Variants in CWC27 observed in about 807,000 individuals in gnomAD.
CWC27 encodes CWC27 spliceosome associated cyclophilin, also known as spliceosome-associated protein CWC27 homolog.
In CWC27, 47 loss-of-function variants were observed where a neutral mutation model predicts 63.6. The observed-to-expected ratio is 0.74, with a 90% CI of 0.58 to 0.94. The LOEUF (loss-of-function observed/expected upper bound fraction) is 0.94. Ranked by LOEUF, CWC27 falls within the 40% of genes least tolerant of loss-of-function variation. The pLI, the probability that CWC27 is intolerant of heterozygous loss-of-function variation, is 0.00. For synonymous variants in CWC27, 175 were observed against 179.8 expected, an observed-to-expected ratio of 0.97 and a Z score of 0.22; for missense variants, 495 against 554.3, an observed-to-expected ratio of 0.89 and a Z score of 1.07.
intron 13 of CWC27, among the ~76,000 whole-genome samples, chr5:64,983,092 A>T (rs1749358066): frequency 6.6e-6 from 1 of 152,170 alleles, no homozygotes; most frequent in African/African-American, 2.4e-5. Context: ...TCTTCCACAA[A>T]ACTGGTTCCT....
intron 10 of CWC27, among the ~76,000 whole-genome samples, chr5:64,839,681 G>T (rs1231677972): frequency 1.3e-5 from 2 of 152,116 alleles, no homozygotes; most frequent in Non-Finnish European, 2.9e-5. Flanking sequence ...GACTATTTCG[G>T]CTTTCTTTTG....
At chr5:64,787,603 A>G (rs1743932992) in intron 6 of CWC27, among the ~76,000 whole-genome samples, 1 of 151,896 alleles carries the variant, frequency 6.6e-6, no homozygotes, top group South Asian at 2.1e-4. Flanking sequence ...TTCATTCAGT[A>G]TTCTGGTTTA....
intron 10 of CWC27, among the ~76,000 whole-genome samples, chr5:64,810,306 T>C (rs954733274): frequency 1.3e-4 from 20 of 152,170 alleles, no homozygotes; most frequent in African/African-American, 4.1e-4. Context: ...AGCTTTATAA[T>C]ACATTTTAAA....
intron 11 of CWC27, among the ~76,000 whole-genome samples, chr5:64,914,631 T>A (rs1011988838): frequency 6.6e-6 from 1 of 152,150 alleles, no homozygotes; most frequent in African/African-American, 2.4e-5. Flanking sequence ...TTACTGAGAA[T>A]GTGGAGCATT....
At chr5:64,989,624 G>C (rs185618413) in intron 13 of CWC27, among the ~76,000 whole-genome samples, 25 of 152,288 alleles carry the variant, frequency 1.6e-4, no homozygotes, top group Non-Finnish European at 2.6e-4. Flanking sequence ...GGGAGGGATT[G>C]GTATTGAGAG....
intron 10 of CWC27, among the ~76,000 whole-genome samples, chr5:64,854,871 A>T (rs11738612): frequency 0.36 from 55,181 of 151,940 alleles, 10,599 homozygotes; most frequent in East Asian, 0.51. Context: ...CTTGGGAAAG[A>T]TAGACATGCT....
chr5:64,871,538 A>T (rs1027121902), intron 10 of CWC27, among the ~76,000 whole-genome samples: 3 of 152,168 alleles, frequency 2.0e-5, no homozygotes, highest in Non-Finnish European at 4.4e-5. Flanking sequence ...GCATGCAAAA[A>T]GTGAGGCAAG....
chr5:65,009,898 A>G (rs1302090121), intron 13 of CWC27, among the ~76,000 whole-genome samples: 1 of 152,240 alleles, frequency 6.6e-6, no homozygotes, highest in African/African-American at 2.4e-5. Flanking sequence ...AAATGTTTGG[A>G]TTGCACTTTG....
intron 7 of CWC27, among the ~76,000 whole-genome samples, chr5:64,790,672 CT>C (rs1352218740): frequency 6.6e-6 from 1 of 152,128 alleles, no homozygotes; most frequent in African/African-American, 2.4e-5. Flanking sequence ...CTACCTCCCC[CT>C]GCCACTGAAC....
intron 10 of CWC27, among the ~76,000 whole-genome samples, chr5:64,810,743 A>G (rs1448717108): frequency 1.3e-5 from 2 of 152,070 alleles, no homozygotes; most frequent in Non-Finnish European, 1.5e-5. Flanking sequence ...ATTCAGTGTT[A>G]AGAATTCTAC....
intron 10 of CWC27, among the ~76,000 whole-genome samples, chr5:64,835,046 A>G (rs534441934): frequency 6.6e-6 from 1 of 151,892 alleles, no homozygotes; most frequent in Admixed American, 6.6e-5. Context: ...AATTAACAAA[A>G]CAGAAATGGA....
At chr5:64,921,074 G>A (rs989613143) in intron 11 of CWC27, among the ~76,000 whole-genome samples, 10 of 151,852 alleles carry the variant, frequency 6.6e-5, no homozygotes, top group Non-Finnish European at 1.5e-4. Flanking sequence ...TGTTGTAGCT[G>A]TTTAGTGCTA....
intron 13 of CWC27, among the ~76,000 whole-genome samples, chr5:64,990,261 T>TTTTG (rs1749512386): frequency 2.5e-5 from 1 of 40,200 alleles, no homozygotes; most frequent in African/African-American, 1.2e-4. Flanking sequence ...GTTTTTTTTT[T>TTTTG]TTTTGTTTTT....
intron 7 of CWC27, among the ~76,000 whole-genome samples, chr5:64,796,203 A>C (rs1336347638): frequency 1.3e-5 from 2 of 152,068 alleles, no homozygotes; most frequent in Non-Finnish European, 2.9e-5. Context: ...TTAGTGTATT[A>C]GTTAGGGTTC....
intron 10 of CWC27, among the ~76,000 whole-genome samples, chr5:64,821,260 T>C (rs904920956): frequency 1.3e-5 from 2 of 152,064 alleles, no homozygotes; most frequent in African/African-American, 4.8e-5. Flanking sequence ...AATTTTTGTA[T>C]TTTTAGTAGA....
At chr5:64,858,960 G>A (rs1045842366) in intron 10 of CWC27, among the ~76,000 whole-genome samples, 1 of 152,188 alleles carries the variant, frequency 6.6e-6, no homozygotes, top group South Asian at 2.1e-4. Flanking sequence ...CATCATAGCA[G>A]TTCATAATAG....
At chr5:64,801,124 T>C (rs975298766) in intron 8 of CWC27, among the ~76,000 whole-genome samples, 178 bp from the exon 9 acceptor site, 3 of 152,158 alleles carry the variant, frequency 2.0e-5, no homozygotes, top group Non-Finnish European at 4.4e-5. Context: ...ATTCCACTTA[T>C]AAAAAATGAC....
chr5:64,896,528 C>G (rs1395370379), intron 11 of CWC27, among the ~76,000 whole-genome samples: 1 of 151,872 alleles, frequency 6.6e-6, no homozygotes, highest in Non-Finnish European at 1.5e-5. Flanking sequence ...TTCTACGGCC[C>G]TTTTATTGTT....
At chr5:64,886,433 G>C (rs761935571) in intron 11 of CWC27, among the ~76,000 whole-genome samples, 4 of 152,042 alleles carry the variant, frequency 2.6e-5, no homozygotes, top group African/African-American at 4.8e-5. Context: ...GTACACATTT[G>C]CTTGTACATA....
Sources: gnomAD v4.1 joint callset for allele counts (sites outside exome capture counted in the v4.1 genomes callset) on GRCh38, gnomAD v4.1.1 for gene constraint, MANE v1.5 for transcripts, NCBI Gene and HGNC (gene_info 2026-07-23, HGNC 2026-07-21) for gene names.